ATRNL1: variants seen among roughly 807,000 people sequenced by gnomAD.
ATRNL1 encodes the protein attractin like 1, also known as attractin-like protein 1.
ATRNL1 carries 95 observed loss-of-function variants against 182.7 expected under a neutral mutation model. The ratio of observed to expected loss-of-function variants is 0.52; its 90% confidence interval spans 0.44 to 0.62. ATRNL1 has a LOEUF of 0.62. ATRNL1 is among the 20% of genes least tolerant of loss of function. The probability of loss-of-function intolerance (pLI) is 0.00; values close to 1 mark genes in which losing one functional copy is unlikely to be tolerated. For missense variants in ATRNL1, 1,471 were observed against 1,679.5 expected (o/e 0.88, Z 2.17); for synonymous variants, 576 against 568.3 (o/e 1.01, Z -0.19).
intron 25 of ATRNL1, among the ~76,000 whole-genome samples, chr10:115,540,109 C>T (rs1290841525): frequency 1.5e-5 from 2 of 136,252 alleles, no homozygotes; most frequent in Non-Finnish European, 3.3e-5. Flanking sequence ...GCACATTTAC[C>T]CTAGAACTTA....
chr10:115,621,254 A>AATATATAT (rs781830067), intron 26 of ATRNL1, among the ~76,000 whole-genome samples: 2,151 of 70,604 alleles, frequency 0.03, 90 homozygotes, highest in East Asian at 0.082. Flanking sequence ...TTGAGCTCTG[A>AATATATAT]ATATATATAT....
intron 28 of ATRNL1, among the ~76,000 whole-genome samples, chr10:115,904,391 G>A (rs543305669): frequency 6.6e-6 from 1 of 152,294 alleles, no homozygotes; most frequent in African/African-American, 2.4e-5. Context: ...CTCCTGCAGT[G>A]TGGCTGTTGC....
intron 26 of ATRNL1, among the ~76,000 whole-genome samples, chr10:115,644,157 C>A (rs1859450612): frequency 1.3e-5 from 2 of 152,192 alleles, no homozygotes; most frequent in South Asian, 4.1e-4. Context: ...ACTGATACAA[C>A]AGCGTGGATG....
chr10:115,229,711 A>G (rs1464703387), intron 9 of ATRNL1, among the ~76,000 whole-genome samples: 1 of 152,122 alleles, frequency 6.6e-6, no homozygotes, highest in Non-Finnish European at 1.5e-5. Context: ...AGAGATTTGG[A>G]ATTTTGGAAT....
chr10:115,259,379 G>A (rs1554908060), intron 10 of ATRNL1, among the ~76,000 whole-genome samples: 2 of 148,500 alleles, frequency 1.3e-5, no homozygotes, highest in Non-Finnish European at 2.9e-5. Flanking sequence ...TCAGACTGCC[G>A]TGCTAGCAGT....
At position 115,790,257 on chromosome 10, in the gene ATRNL1, A is replaced by G. The variant is rs201882446; in HGVS notation, c.3904-57620A>G. On this transcript the variant is annotated intron_variant, in intron 27 of 28. Coordinates refer to ENST00000355044, the MANE Select transcript of ATRNL1 (RefSeq NM_207303.4). ...AAAGCAGCCTTGTTAGTTTAAAAAG[A>G]AAAAAAAAAAAAAACTCTTATTATT... Among the ~76,000 whole-genome samples the G allele has an allele frequency of 3.9e-3, 32 of 8,284 alleles. No homozygotes were observed. The East Asian group carries it at 0.14, about 36-fold the overall frequency. The allele number at this position is 8,284 out of a possible 152,430, so 5.4% of individuals were successfully genotyped here.
chr10:115,816,882 CTG>C (rs1950178107), intron 27 of ATRNL1, among the ~76,000 whole-genome samples: 2 of 152,128 alleles, frequency 1.3e-5, no homozygotes, highest in Admixed American at 6.6e-5. Context: ...AGAATCATGT[CTG>C]GAGCTATGTG....
intron 24 of ATRNL1, among the ~76,000 whole-genome samples, chr10:115,508,664 A>C (rs528596021): frequency 1.3e-5 from 2 of 152,170 alleles, no homozygotes; most frequent in African/African-American, 2.4e-5. Flanking sequence ...ACCTAAGCTT[A>C]ATTTAGAGTA....
chr10:115,351,769 G>GTTTTGTTTTGTTTTGT (rs1349710767), intron 19 of ATRNL1, among the ~76,000 whole-genome samples: 2 of 151,746 alleles, frequency 1.3e-5, no homozygotes, highest in Non-Finnish European at 2.9e-5. Context: ...GTTTTGTTTT[G>GTTTTGTTTTGTTTTGT]TTTGTGTTTT....
At chr10:115,690,100 T>C (rs1035291312) in intron 26 of ATRNL1, among the ~76,000 whole-genome samples, 1 of 152,176 alleles carries the variant, frequency 6.6e-6, no homozygotes, top group Non-Finnish European at 1.5e-5. Context: ...TCACTTCTCA[T>C]AGTCCCAGAC....
At chr10:115,137,214 G>T (rs140988832) in intron 5 of ATRNL1, among the ~76,000 whole-genome samples, 1 of 152,294 alleles carries the variant, frequency 6.6e-6, no homozygotes, top group South Asian at 2.1e-4. Flanking sequence ...TGAATGATGG[G>T]AGGTCTTTGG....
chr10:115,504,072 G>T (rs1163177737), intron 24 of ATRNL1, among the ~76,000 whole-genome samples: 2 of 151,688 alleles, frequency 1.3e-5, no homozygotes, highest in Non-Finnish European at 2.9e-5. Flanking sequence ...CCCAAATAAT[G>T]AAATATCTAT....
chr10:115,697,561 AG>A (rs1946603223), intron 26 of ATRNL1, among the ~76,000 whole-genome samples: 1 of 152,106 alleles, frequency 6.6e-6, no homozygotes. Context: ...CCTGAGCTCA[AG>A]TGATCCACCT....
chr10:115,535,437 A>G (rs375779289), intron 25 of ATRNL1, among the ~76,000 whole-genome samples: 45,205 of 140,960 alleles, frequency 0.32, 8,919 homozygotes, highest in Non-Finnish European at 0.44. Flanking sequence ...CGTAGTTCTC[A>G]AGCCTTGGTT....
chr10:115,407,988 T>C (rs1554958709), intron 20 of ATRNL1, among the ~76,000 whole-genome samples: 12 of 52,314 alleles, frequency 2.3e-4, no homozygotes, highest in African/African-American at 1.4e-3. Context: ...TGCATTTCTT[T>C]TTTTTTTTTT....
chr10:115,558,350 C>T (rs1490509335), intron 26 of ATRNL1, among the ~76,000 whole-genome samples: 1 of 152,034 alleles, frequency 6.6e-6, no homozygotes, highest in Non-Finnish European at 1.5e-5. Context: ...TTTTAAGTAC[C>T]CAATTTGAGG....
intron 20 of ATRNL1, among the ~76,000 whole-genome samples, chr10:115,416,028 T>C (rs1845372952): frequency 6.6e-6 from 1 of 152,070 alleles, no homozygotes; most frequent in African/African-American, 2.4e-5. Flanking sequence ...TAATTATTCT[T>C]GTATGTTTAC....
chr10:115,621,280 G>T (rs60514863), intron 26 of ATRNL1, among the ~76,000 whole-genome samples: 9,676 of 53,108 alleles, frequency 0.18, 443 homozygotes, highest in African/African-American at 0.26. Context: ...TATATATAGA[G>T]AGAGAGAGAG....
intron 26 of ATRNL1, among the ~76,000 whole-genome samples, chr10:115,654,073 A>G (rs2133887502): frequency 6.6e-6 from 1 of 152,330 alleles, no homozygotes; most frequent in East Asian, 1.9e-4. Context: ...ATACAATATA[A>G]GCAGTCTGAA....
Sources: allele counts gnomAD v4.1 joint callset (sites outside exome capture counted in the v4.1 genomes callset), GRCh38; gene constraint gnomAD v4.1.1; transcripts MANE v1.5; gene names NCBI Gene and HGNC (gene_info 2026-07-23, HGNC 2026-07-21).